B4GALT3: variants seen among roughly 807,000 people sequenced by gnomAD.
The protein encoded by B4GALT3 is beta-1,4-galactosyltransferase 3, also known as N-acetyllactosamine synthase.
In B4GALT3, 29 loss-of-function variants were observed where a neutral mutation model predicts 40.7. That is an observed-to-expected ratio of 0.71 (90% CI 0.53 to 0.97). The LOEUF is 0.97. Ranked by LOEUF, B4GALT3 falls within the 50% of genes least tolerant of loss-of-function variation. The probability of loss-of-function intolerance (pLI) is 0.00; values close to 1 mark genes in which losing one functional copy is unlikely to be tolerated. For synonymous variants in B4GALT3, 182 were observed against 203.9 expected, an observed-to-expected ratio of 0.89 and a Z score of 0.92; for missense variants, 390 against 522.3, an observed-to-expected ratio of 0.75 and a Z score of 2.47.
intron 3 of B4GALT3, 147 bp downstream of exon 3, chr1:161,175,661 T>G: frequency 3.2e-6 from 4 of 1,236,344 alleles, no homozygotes; most frequent in Non-Finnish European, 4.5e-6. Flanking sequence ...ACCTCAGCCC[T>G]CTATCTCAAC....
intron 7 of B4GALT3, 26 bp from the exon 8 acceptor site, chr1:161,172,115 G>C: frequency 6.2e-7 from 1 of 1,612,558 alleles, no homozygotes; most frequent in Non-Finnish European, 8.5e-7. Flanking sequence ...TGGAGACTAA[G>C]ACCCAGAAAG....
chr1:161,176,084 G>A lies in B4GALT3; in HGVS notation c.-14-10C>T. The A allele has an allele frequency of 6.2e-7, 1 of 1,611,968 alleles. No homozygotes were observed. The highest frequency in any genetic ancestry group is 8.5e-7 in the Non-Finnish European group (1 of 1,178,360). ...ATCCTGGGGGTGAGATCTAGGGAGG[G>A]AGAGGGGAATTCTGGGGGTAGGCAG... On this transcript the variant is annotated splice_polypyrimidine_tract_variant and intron_variant, in intron 2 of 7. Coordinates refer to ENST00000319769, the MANE Select transcript of B4GALT3 (RefSeq NM_003779.4).
chr1:161,173,533 T>C, intron 6 of B4GALT3, 72 bp downstream of exon 6: 1 of 1,605,206 alleles, frequency 6.2e-7, no homozygotes, highest in Non-Finnish European at 8.5e-7. Context: ...TGAAGGGCTA[T>C]GGTCAAAGGT....
Position 161,171,683 on chromosome 1 carries a change from A to G in B4GALT3, c.*133T>C. The G allele has an allele frequency of 7.8e-7, 1 of 1,285,508 alleles. No individual in the cohort carries two copies. The highest frequency in any genetic ancestry group is 1.1e-6 in the Non-Finnish European group (1 of 937,378). The allele number at this position is 1,285,508 out of a possible 1,614,324, so 79.6% of individuals were successfully genotyped here. On this transcript the variant is annotated 3_prime_UTR_variant, in exon 8 of 8. Transcript: ENST00000319769. Reference sequence around the variant, plus strand: ...CAGCTCCAGTCCAGCAGTGAGGGAGAGGCCCCTACCCCCTAGCACGGCACC... The same window carrying G: ...CAGCTCCAGTCCAGCAGTGAGGGAGGGGCCCCTACCCCCTAGCACGGCACC...
chr1:161,176,757 G>C, intron 1 of B4GALT3, 178 bp from the exon 2 acceptor site: 1 of 1,036,600 alleles, frequency 9.6e-7, no homozygotes. Flanking sequence ...TAAGTGTCAG[G>C]TTCATACTTA....
At chr1:161,176,602 T>A in intron 1 of B4GALT3, 23 bp from the exon 2 acceptor site, 1 of 543,280 alleles carries the variant, frequency 1.8e-6, no homozygotes, top group South Asian at 2.3e-5. Flanking sequence ...TGGTAAAGGA[T>A]AACTAGCTAC....
At chr1:161,172,474 A>G in intron 6 of B4GALT3, 143 bp from the exon 7 acceptor site, 1 of 689,026 alleles carries the variant, frequency 1.5e-6, no homozygotes, top group Non-Finnish European at 2.4e-6. Flanking sequence ...TCAAACAGAA[A>G]GAAGGAAATG....
rs1299079342 is a variant in B4GALT3 at position 161,171,544 on chromosome 1, T to G, written c.*272A>C. 1 of 588,136 alleles carries G rather than the reference T, an allele frequency of 1.7e-6. No individual in the cohort carries two copies. Among genetic ancestry groups the G allele is most frequent in the African/African-American group, 1.9e-5 (1 of 53,642 alleles). 36.4% of individuals were successfully genotyped at this position (588,136 alleles called of 1,614,324 possible). On this transcript the variant is annotated 3_prime_UTR_variant, in exon 8 of 8. Coordinates refer to ENST00000319769, the MANE Select transcript of B4GALT3 (RefSeq NM_003779.4). ...GCTTGGGGTCCAGCCCTGCTCCTAC[T>G]CTAGGGGCAGGGACTCCTAGGAATC...
chr1:161,173,718 G>T lies in B4GALT3; in HGVS notation c.690C>A (p.Tyr230Ter). The T allele has an allele frequency of 4.3e-6, 7 of 1,614,154 alleles. No individual in the cohort carries two copies. Among genetic ancestry groups the T allele is most frequent in the Non-Finnish European group, 5.9e-6 (7 of 1,180,026 alleles). The change falls in exon 6 of 8, where the codon TAC becomes TAA. Residue 230 changes from tyrosine to a stop codon, truncating the protein, a stop_gained. Coordinates refer to ENST00000319769, the MANE Select transcript of B4GALT3 (RefSeq NM_003779.4). LOFTEE classifies it high-confidence loss of function. ...CTGAGACTCCTCCGAAGTACTGGGG[G>T]TACGGGAGGCTAGGGAGAGAAAGAT... is the stretch of plus-strand genomic sequence containing the variant. The part of the protein sequence containing the change: ...AMNKFGYSLP[Y>*]PQYFGGVSAL...
chr1:161,175,628 A>AATTC (rs543100183), intron 3 of B4GALT3, among the ~76,000 whole-genome samples, 180 bp downstream of exon 3: 104 of 152,184 alleles, frequency 6.8e-4, no homozygotes, highest in African/African-American at 2.4e-3. Flanking sequence ...CTAAACTCCC[A>AATTC]ATTCAGAGTC....
At chr1:161,173,283 A>C (rs552742710) in intron 6 of B4GALT3, among the ~76,000 whole-genome samples, 17 of 152,318 alleles carry the variant, frequency 1.1e-4, no homozygotes, top group African/African-American at 4.1e-4. Context: ...CCCCATAGGA[A>C]GTGGCCTGGC....
At chr1:161,177,515 CT>C (rs1328809290), upstream of B4GALT3, 4 of 170,780 alleles carry the variant, frequency 2.3e-5, no homozygotes, top group Admixed American at 5.8e-5. Flanking sequence ...GGGGCGGGGT[CT>C]CGCGTCATGG....
Position 161,171,569 on chromosome 1 carries a change from C to T in B4GALT3, c.*247G>A, listed in dbSNP as rs1370654206. ...TCTAGGGGCAGGGACTCCTAGGAATCGTCACATAAAATCATGACATCAAGG... is the reference window on the plus strand; with the variant it reads ...TCTAGGGGCAGGGACTCCTAGGAATTGTCACATAAAATCATGACATCAAGG... On this transcript the variant is annotated 3_prime_UTR_variant, in exon 8 of 8. Coordinates refer to ENST00000319769, the MANE Select transcript of B4GALT3 (RefSeq NM_003779.4). 8.2e-6 allele frequency: 5 copies of T among 607,572 alleles called. No homozygotes were observed. The highest frequency in any genetic ancestry group is 5.7e-5 in the East Asian group (2 of 35,080). The allele number at this position is 607,572 out of a possible 1,614,324, so 37.6% of individuals were successfully genotyped here.
chr1:161,175,081 C>G lies in B4GALT3; in HGVS notation c.401G>C (p.Arg134Pro). 1 of 1,614,028 alleles carries G rather than the reference C, an allele frequency of 6.2e-7. No individual in the cohort carries two copies. Among genetic ancestry groups the G allele is most frequent in the Non-Finnish European group, 8.5e-7 (1 of 1,179,924 alleles). The change falls in exon 4 of 8, where the codon CGG becomes CCG. Residue 134 changes from arginine to proline, a missense_variant. By Grantham distance (103) the Arg-to-Pro change is moderately radical (BLOSUM62 -2). Coordinates refer to ENST00000319769, the MANE Select transcript of B4GALT3 (RefSeq NM_003779.4). ...GAGCAGCAGGCGCAGGTGGTGCTCC[C>G]GGGCACGATGAGGCACAATGATGGC... is the stretch of plus-strand genomic sequence containing the variant. Reference protein sequence around the residue: ...RTAIIVPHRAREHHLRLLLYH... With the variant: ...RTAIIVPHRAPEHHLRLLLYH...
chr1:161,175,244 G>T lies in B4GALT3; in HGVS notation c.254-16C>A. On this transcript the variant is annotated splice_polypyrimidine_tract_variant and intron_variant, in intron 3 of 7. Transcript: ENST00000319769. ...ACAGGACCCACTGTTGGGAAGGAATGGCAAGTAGAGGGATCAGAGGGGCAA... is the reference window on the plus strand; with the variant it reads ...ACAGGACCCACTGTTGGGAAGGAATTGCAAGTAGAGGGATCAGAGGGGCAA... 1 of 1,602,454 alleles carries T rather than the reference G, an allele frequency of 6.2e-7. No individual in the cohort carries two copies. Among genetic ancestry groups the T allele is most frequent in the East Asian group, 2.2e-5 (1 of 44,798 alleles).
upstream of B4GALT3, chr1:161,177,966 G>A (rs1664149291): frequency 6.6e-6 from 1 of 152,210 alleles, no homozygotes; most frequent in Non-Finnish European, 1.5e-5. Flanking sequence ...GTATCCCGCA[G>A]GCCTGGAAAT....
intron 1 of B4GALT3, chr1:161,176,923 T>G (rs929260704): frequency 2.6e-6 from 4 of 1,536,058 alleles, no homozygotes; most frequent in East Asian, 4.9e-5. Context: ...CAGGGCGAAG[T>G]AGGAAACAGG....
In B4GALT3 at chr1:161,176,801, T is replaced by A. The variant is rs189725714; in HGVS notation, c.-160-222A>T. On this transcript the variant is annotated intron_variant, in intron 1 of 7. Transcript: ENST00000319769. ...CGTACCCCCACCCCAACAGGACAGA[T>A]TGGGGAGTGGGGACAGGACAGCTAA... The A allele has an allele frequency of 8.7e-6, 13 of 1,489,472 alleles. No homozygotes were observed. The East Asian group carries it at 1.7e-4, about 20-fold the overall frequency. 92.3% of individuals were successfully genotyped at this position (1,489,472 alleles called of 1,614,324 possible).
rs1233018771 is a variant in B4GALT3, at chr1:161,176,860, G to A, written c.-160-281C>T. 3.3e-6 allele frequency: 5 copies of A among 1,535,792 alleles called. No homozygotes were observed. The African/African-American group carries it at 5.5e-5, about 17-fold the overall frequency. On this transcript the variant is annotated intron_variant, in intron 1 of 7. Transcript: ENST00000319769. ...TTGTTTTCCCCCAGACCAAGAACCA[G>A]TTGAAGTGGCGACAGAGTCATGACA...
Sources: gnomAD v4.1 joint callset for allele counts (sites outside exome capture counted in the v4.1 genomes callset) on GRCh38, gnomAD v4.1.1 for gene constraint, MANE v1.5 for transcripts, NCBI Gene and HGNC (gene_info 2026-07-23, HGNC 2026-07-21) for gene names.